Variants in RAD51B observed in about 807,000 individuals in gnomAD.
RAD51B encodes RAD51 paralog B.
A neutral mutation model predicts 42.2 loss-of-function variants in RAD51B; 38 were observed. The ratio of observed to expected loss-of-function variants is 0.90; its 90% CI spans 0.70 to 1.18. RAD51B has a LOEUF of 1.18. Among genes scored for constraint, RAD51B ranks in the 50% most tolerant of loss-of-function variants. The pLI is 0.00. For missense variants in RAD51B, 373 were observed against 400.7 expected (o/e 0.93, Z 0.59); for synonymous variants, 154 against 145.2 (o/e 1.06, Z -0.43).
intron 10 of RAD51B, among the ~76,000 whole-genome samples, chr14:68,510,767 T>TA (rs1885673045): frequency 2.0e-5 from 3 of 152,156 alleles, no homozygotes; most frequent in African/African-American, 7.2e-5. Context: ...TGATTTTCAT[T>TA]ATGTTATTTG....
intron 7 of RAD51B, among the ~76,000 whole-genome samples, chr14:67,942,643 A>T (rs2045247554): frequency 6.6e-6 from 1 of 152,230 alleles, no homozygotes; most frequent in African/African-American, 2.4e-5. Flanking sequence ...GTGAAGGTTT[A>T]CGTGAAGTAG....
At chr14:67,928,892 C>G (rs1486886259) in intron 7 of RAD51B, among the ~76,000 whole-genome samples, 1 of 151,820 alleles carries the variant, frequency 6.6e-6, no homozygotes, top group Non-Finnish European at 1.5e-5. Flanking sequence ...TTTCACTTTG[C>G]TAGCATATAA....
chr14:68,003,497 C>T (rs572649401), intron 7 of RAD51B, among the ~76,000 whole-genome samples: 11 of 152,236 alleles, frequency 7.2e-5, no homozygotes, highest in Non-Finnish European at 1.6e-4. Context: ...TCTTCCTATT[C>T]GAATATCCTT....
chr14:68,065,608 C>CTA (rs1486959942), intron 7 of RAD51B, among the ~76,000 whole-genome samples: 3 of 152,112 alleles, frequency 2.0e-5, no homozygotes, highest in Non-Finnish European at 4.4e-5. Flanking sequence ...AAGCAGGGAG[C>CTA]TAGCTGGCTG....
chr14:68,346,369 T>A (rs2082677508), intron 8 of RAD51B, among the ~76,000 whole-genome samples: 1 of 152,216 alleles, frequency 6.6e-6, no homozygotes, highest in Admixed American at 6.5e-5. Flanking sequence ...CCATTCCTCC[T>A]CTTCTATTTC....
intron 10 of RAD51B, chr14:68,562,968 C>T (rs1231146111): frequency 1.0e-5 from 10 of 985,438 alleles, no homozygotes; most frequent in African/African-American, 1.7e-5. Flanking sequence ...GTGTGCTCCA[C>T]GGAAGGCCCG....
intron 11 of RAD51B, among the ~76,000 whole-genome samples, chr14:68,662,494 G>A (rs558560982): frequency 2.0e-5 from 3 of 152,258 alleles, no homozygotes; most frequent in South Asian, 4.2e-4. Flanking sequence ...TCTGGGACAC[G>A]GATGGAACCA....
intron 7 of RAD51B, among the ~76,000 whole-genome samples, chr14:68,261,776 A>G (rs1595622912): frequency 6.6e-6 from 1 of 151,204 alleles, no homozygotes; most frequent in East Asian, 1.9e-4. Flanking sequence ...CAGAACTGGG[A>G]CTCACATTCA....
At chr14:68,496,713 G>C (rs1884550135) in intron 10 of RAD51B, among the ~76,000 whole-genome samples, 1 of 152,234 alleles carries the variant, frequency 6.6e-6, no homozygotes, top group Non-Finnish European at 1.5e-5. Flanking sequence ...ATTCCATTAA[G>C]AACATTCGTG....
At chr14:68,015,194 A>G (rs1182990185) in intron 7 of RAD51B, among the ~76,000 whole-genome samples, 1 of 152,200 alleles carries the variant, frequency 6.6e-6, no homozygotes, top group Non-Finnish European at 1.5e-5. Flanking sequence ...AGTGCTTAGG[A>G]TAGTGCTTAG....
At chr14:68,220,511 A>G (rs892022761) in intron 7 of RAD51B, among the ~76,000 whole-genome samples, 1 of 152,186 alleles carries the variant, frequency 6.6e-6, no homozygotes. Context: ...CCAACATTAT[A>G]CTGAACAGGG....
intron 10 of RAD51B, among the ~76,000 whole-genome samples, chr14:68,549,567 C>T (rs1241925746): frequency 1.3e-5 from 2 of 150,440 alleles, no homozygotes; most frequent in East Asian, 1.9e-4. Context: ...AGGCGCGCGC[C>T]ACCATGCCCG....
intron 10 of RAD51B, chr14:68,541,463 T>C: frequency 1.0e-6 from 1 of 985,430 alleles, no homozygotes; most frequent in Non-Finnish European, 1.2e-6. Context: ...GGAGGGGGAA[T>C]GGCCCCTCTG....
chr14:67,929,550 C>T (rs995891430), intron 7 of RAD51B, among the ~76,000 whole-genome samples: 2 of 152,156 alleles, frequency 1.3e-5, no homozygotes, highest in African/African-American at 4.8e-5. Context: ...AATGTATATT[C>T]TACAGATGTT....
chr14:68,592,047 C>T (rs1375836881), intron 10 of RAD51B, among the ~76,000 whole-genome samples: 2 of 152,134 alleles, frequency 1.3e-5, no homozygotes, highest in African/African-American at 4.8e-5. Flanking sequence ...AGTCCTACTC[C>T]CTGAAGGATC....
intron 7 of RAD51B, among the ~76,000 whole-genome samples, chr14:68,169,241 G>T (rs569078149): frequency 1.3e-5 from 2 of 152,072 alleles, no homozygotes; most frequent in South Asian, 4.2e-4. Flanking sequence ...TTCAGAGGAG[G>T]ATACAGTATA....
chr14:68,326,617 A>G (rs1053267010), intron 8 of RAD51B, among the ~76,000 whole-genome samples: 4 of 152,242 alleles, frequency 2.6e-5, no homozygotes, highest in African/African-American at 9.6e-5. Context: ...CCTTATGCCT[A>G]GGCTTGGCCC....
intron 10 of RAD51B, among the ~76,000 whole-genome samples, chr14:68,548,391 T>C (rs1566934198): frequency 6.6e-6 from 1 of 152,168 alleles, no homozygotes; most frequent in African/African-American, 2.4e-5. Context: ...ATTCATCTTG[T>C]TTAGTGCTTG....
At chr14:68,338,240 C>T (rs1375946364) in intron 8 of RAD51B, among the ~76,000 whole-genome samples, 1 of 152,184 alleles carries the variant, frequency 6.6e-6, no homozygotes, top group Non-Finnish European at 1.5e-5. Flanking sequence ...GGAACAGGAG[C>T]ATTTACAAGG....
Sources: allele counts gnomAD v4.1 joint callset (sites outside exome capture counted in the v4.1 genomes callset), GRCh38; gene constraint gnomAD v4.1.1; transcripts MANE v1.5; gene names NCBI Gene and HGNC (gene_info 2026-07-23, HGNC 2026-07-21).